SLC8A1: variants seen among roughly 807,000 people sequenced by gnomAD.
The protein encoded by SLC8A1 is sodium/calcium exchanger 1.
A neutral mutation model predicts 68.3 loss-of-function variants in SLC8A1; 18 were observed. The ratio of observed to expected loss-of-function variants is 0.26; its 90% CI spans 0.18 to 0.39. SLC8A1 has a LOEUF of 0.39. SLC8A1 is among the 10% of genes least tolerant of loss of function. SLC8A1 has a pLI of 1.00. For missense variants in SLC8A1, 985 were observed against 1,156.7 expected, an observed-to-expected ratio of 0.85 and a Z score of 2.15; for synonymous variants, 475 against 415.5, an observed-to-expected ratio of 1.14 and a Z score of -1.74.
At chr2:40,366,105 A>G (rs948394743) in intron 2 of SLC8A1, among the ~76,000 whole-genome samples, 1 of 152,060 alleles carries the variant, frequency 6.6e-6, no homozygotes, top group Admixed American at 6.6e-5. Context: ...GGTGATGAAT[A>G]TGCTTCCTTT....
intron 1 of SLC8A1, among the ~76,000 whole-genome samples, chr2:40,473,902 T>C (rs535609753): frequency 2.0e-5 from 3 of 152,376 alleles, no homozygotes; most frequent in African/African-American, 7.2e-5. Context: ...TTAGTGATCC[T>C]AATTTTAATA....
At chr2:40,503,062 T>A (rs1479293367) in intron 1 of SLC8A1, among the ~76,000 whole-genome samples, 3 of 152,012 alleles carry the variant, frequency 2.0e-5, no homozygotes, top group Non-Finnish European at 2.9e-5. Flanking sequence ...ATTTGATGGG[T>A]ATATGGGTCA....
chr2:40,422,009 A>T (rs1007107596), intron 2 of SLC8A1, among the ~76,000 whole-genome samples: 3 of 152,144 alleles, frequency 2.0e-5, no homozygotes, highest in Admixed American at 6.6e-5. Flanking sequence ...CCAGGGCAGG[A>T]ACTGCAAGGC....
intron 2 of SLC8A1, chr2:40,209,168 G>A (rs71439283): frequency 0.017 from 2,660 of 152,142 alleles, 37 homozygotes; most frequent in African/African-American, 0.033. Context: ...GGGAGATGAG[G>A]AGTAATGAGG....
chr2:40,400,336 G>A (rs534966858), intron 2 of SLC8A1, among the ~76,000 whole-genome samples: 48 of 152,120 alleles, frequency 3.2e-4, no homozygotes, highest in Non-Finnish European at 4.7e-4. Flanking sequence ...TCCTAGAACC[G>A]AAAGATGAGG....
At chr2:40,423,537 T>C (rs1451099773) in intron 2 of SLC8A1, among the ~76,000 whole-genome samples, 1 of 152,044 alleles carries the variant, frequency 6.6e-6, no homozygotes, top group Non-Finnish European at 1.5e-5. Context: ...ATCAGCCTTC[T>C]ATGTAATGGC....
intron 2 of SLC8A1, among the ~76,000 whole-genome samples, chr2:40,358,132 G>C (rs1356020829): frequency 6.7e-6 from 1 of 149,960 alleles, no homozygotes; most frequent in East Asian, 1.9e-4. Context: ...ACTGAAGAAA[G>C]GTTAAGAAAA....
chr2:40,407,154 C>A (rs915684920), intron 2 of SLC8A1, among the ~76,000 whole-genome samples: 1 of 152,122 alleles, frequency 6.6e-6, no homozygotes, highest in Non-Finnish European at 1.5e-5. Flanking sequence ...GCAACCTCTG[C>A]CTCCTAGGTT....
At chr2:40,168,221 C>T (rs1000799980) in intron 4 of SLC8A1, among the ~76,000 whole-genome samples, 1 of 152,038 alleles carries the variant, frequency 6.6e-6, no homozygotes, top group African/African-American at 2.4e-5. Flanking sequence ...CTCAGTTGGC[C>T]TAAAGGGAGT....
At chr2:40,259,175 T>G (rs547622033) in intron 2 of SLC8A1, among the ~76,000 whole-genome samples, 2 of 152,290 alleles carry the variant, frequency 1.3e-5, no homozygotes, top group South Asian at 4.1e-4. Flanking sequence ...ATCAATCTTT[T>G]CAAGTAATGA....
chr2:40,295,665 ACC>A lies in SLC8A1; in HGVS notation c.1809-117812_1809-117811del, dbSNP rs916496256. Among the ~76,000 whole-genome samples, 99 of 152,284 alleles carry A rather than the reference ACC, an allele frequency of 6.5e-4. 1 individual carries two copies. The highest frequency in any genetic ancestry group is 2.3e-3 in the African/African-American group (96 of 41,576). ...AAGAATGAAATGAGGCACAAGAAAC[ACC>A]TGTGAATCATGAAGTATTGACGCTG... On this transcript the variant is annotated intron_variant, in intron 2 of 7. Transcript: ENST00000406785.
exon 8 of SLC8A1, chr2:40,104,337 C>T (rs966237537): frequency 6.6e-6 from 1 of 152,186 alleles, no homozygotes; most frequent in African/African-American, 2.4e-5. Context: ...GGCAAATGAT[C>T]TTTGTAATAA....
chr2:40,380,624 A>G (rs1395031716), intron 2 of SLC8A1, among the ~76,000 whole-genome samples: 1 of 152,146 alleles, frequency 6.6e-6, no homozygotes, highest in East Asian at 1.9e-4. Context: ...TCAACATCCT[A>G]AAGCAAAATA....
intron 1 of SLC8A1, among the ~76,000 whole-genome samples, chr2:40,430,720 T>G (rs1698092354): frequency 6.6e-6 from 1 of 152,188 alleles, no homozygotes; most frequent in Non-Finnish European, 1.5e-5. Context: ...AAGCAGATTT[T>G]CTTCTAAATT....
intron 1 of SLC8A1, among the ~76,000 whole-genome samples, chr2:40,511,050 C>G (rs539468892): frequency 6.6e-6 from 1 of 152,164 alleles, no homozygotes; most frequent in Admixed American, 6.5e-5. Context: ...GTCAGTATTA[C>G]AAATTGTTTT....
intron 4 of SLC8A1, among the ~76,000 whole-genome samples, chr2:40,173,184 A>T (rs142577650): frequency 6.6e-6 from 1 of 152,150 alleles, no homozygotes; most frequent in Non-Finnish European, 1.5e-5. Context: ...ACCTTCTTCA[A>T]ATCTCCCAGG....
chr2:40,232,412 G>GT (rs35194422), intron 2 of SLC8A1, among the ~76,000 whole-genome samples: 93,229 of 148,182 alleles, frequency 0.63, 31,143 homozygotes, highest in Non-Finnish European at 0.77. Flanking sequence ...TTTGTCTTCA[G>GT]TTTTTTTTTC....
At chr2:40,218,106 G>A (rs79921401) in intron 2 of SLC8A1, among the ~76,000 whole-genome samples, 1 of 20,194 alleles carries the variant, frequency 5.0e-5, no homozygotes, top group Admixed American at 6.6e-4. Flanking sequence ...CAGTTAGTTT[G>A]TAAATCTAAC....
intron 2 of SLC8A1, among the ~76,000 whole-genome samples, chr2:40,182,510 C>G (rs970238876): frequency 2.0e-5 from 3 of 152,084 alleles, no homozygotes; most frequent in African/African-American, 7.2e-5. Context: ...AAAAAACATT[C>G]GGTTAAGAAA....
Sources: allele counts gnomAD v4.1 joint callset (sites outside exome capture counted in the v4.1 genomes callset), GRCh38; gene constraint gnomAD v4.1.1; transcripts MANE v1.5; gene names NCBI Gene and HGNC (gene_info 2026-07-23, HGNC 2026-07-21).